SLC24A1: variants seen among roughly 807,000 people sequenced by gnomAD.
SLC24A1 encodes the protein solute carrier family 24 member 1, also known as sodium/potassium/calcium exchanger 1.
A neutral mutation model predicts 88.1 loss-of-function variants in SLC24A1; 52 were observed. The observed-to-expected ratio is 0.59, with a 90% CI of 0.47 to 0.74. SLC24A1 has a LOEUF of 0.74. Among genes scored for constraint, SLC24A1 ranks in the 30% least tolerant of loss-of-function variants. SLC24A1 has a pLI of 0.00. For synonymous variants in SLC24A1, 455 were observed against 498.0 expected (o/e 0.91, Z 1.15); for missense variants, 1,173 against 1,363.3 (o/e 0.86, Z 2.20).
At chr15:65,641,937 TGA>T (rs2075142458) in intron 4 of SLC24A1, among the ~76,000 whole-genome samples, 1 of 152,174 alleles carries the variant, frequency 6.6e-6, no homozygotes, top group African/African-American at 2.4e-5. Flanking sequence ...CCGGCCCTGC[TGA>T]GAGGGGAGAG....
Position 65,643,534 on chromosome 15 carries a change from C to T in SLC24A1, c.2054-893C>T, listed in dbSNP as rs148897378. Among the ~76,000 whole-genome samples the T allele has an allele frequency of 4.8e-3, 736 of 152,334 alleles. 1 individual carries two copies. The highest frequency in any genetic ancestry group is 0.017 in the Middle Eastern group (5 of 294). ...ACCACTTTGTTCTTCACTTGCACCA[C>T]TGCCTTCGCCCTCCCAGGCCACACA... On this transcript the variant is annotated intron_variant, in intron 4 of 9. Transcript: ENST00000261892.
At chr15:65,635,465 AAAAAAG>A (rs2074896656) in intron 2 of SLC24A1, among the ~76,000 whole-genome samples, 1 of 143,718 alleles carries the variant, frequency 7.0e-6, no homozygotes, top group Admixed American at 6.9e-5. Flanking sequence ...AAAAAAAAAA[AAAAAAG>A]AAAAAAAAAG....
chr15:65,614,533 C>T (rs1348951819), intron 2 of SLC24A1, among the ~76,000 whole-genome samples: 2 of 152,046 alleles, frequency 1.3e-5, no homozygotes, highest in Non-Finnish European at 2.9e-5. Flanking sequence ...GTTTCCCCCT[C>T]TTTTCCTTCG....
At chr15:65,620,633 A>G (rs2074289145), upstream of SLC24A1, among the ~76,000 whole-genome samples, 1 of 152,220 alleles carries the variant, frequency 6.6e-6, no homozygotes, top group Admixed American at 6.5e-5. Context: ...CCCAGCGGGT[A>G]GGATTTAGGT....
downstream of SLC24A1, chr15:65,659,154 C>T (rs1038902956): frequency 2.6e-5 from 4 of 151,824 alleles, no homozygotes; most frequent in Admixed American, 2.0e-4. Flanking sequence ...TTATTGTCAA[C>T]CATTTAAACA....
chr15:65,645,097 C>T (rs1209524769), intron 5 of SLC24A1, among the ~76,000 whole-genome samples: 1 of 152,218 alleles, frequency 6.6e-6, no homozygotes, highest in Non-Finnish European at 1.5e-5. Context: ...AGTCATTCTT[C>T]CCATCCTATA....
At chr15:65,648,030 G>A (rs2075365008) in intron 6 of SLC24A1, among the ~76,000 whole-genome samples, 1 of 152,184 alleles carries the variant, frequency 6.6e-6, no homozygotes, top group Non-Finnish European at 1.5e-5. Flanking sequence ...GGAGGCCGAG[G>A]CGGGCGGATC....
chr15:65,613,777 C>T (rs746718683), intron 2 of SLC24A1, among the ~76,000 whole-genome samples: 1 of 152,054 alleles, frequency 6.6e-6, no homozygotes, highest in Non-Finnish European at 1.5e-5. Context: ...TGAGCCACTA[C>T]ATTTGGCCCC....
chr15:65,652,442 G>A (rs1257080819), intron 8 of SLC24A1, 200 bp from the exon 9 acceptor site: 1 of 525,672 alleles, frequency 1.9e-6, no homozygotes, highest in Middle Eastern at 5.0e-4. Flanking sequence ...TGGTCCCTGT[G>A]GCCAGGAGCA....
intron 2 of SLC24A1, 24 bp from the exon 3 acceptor site, chr15:65,638,104 C>A: frequency 6.3e-7 from 1 of 1,585,750 alleles, no homozygotes; most frequent in South Asian, 1.1e-5. Flanking sequence ...CACAACATCT[C>A]GTGACTCCTC....
intron 3 of SLC24A1, among the ~76,000 whole-genome samples, chr15:65,639,359 C>T (rs892457010): frequency 5.3e-5 from 8 of 152,048 alleles, no homozygotes; most frequent in African/African-American, 9.7e-5. Flanking sequence ...CCTGTGGAGA[C>T]GTTGGGAAAT....
In SLC24A1 at chr15:65,624,984, A is replaced by G. The variant is rs1376053465; in HGVS notation, c.904A>G (p.Ser302Gly). Residue 302 changes from serine to glycine, a missense_variant, in exon 2 of 10, where the codon AGC becomes GGC. By Grantham distance (56) the Ser-to-Gly change is moderately conservative. Transcript: ENST00000261892. Reference protein sequence around the residue: ...SAHPWGLVGKSNPKTPQGTVL... With the variant: ...SAHPWGLVGKGNPKTPQGTVL... Reference sequence around the variant, plus strand: ...CCATCCCTGGGGGTTAGTGGGAAAGAGCAACCCGAAGACTCCCCAGGGAAC... The same window carrying G: ...CCATCCCTGGGGGTTAGTGGGAAAGGGCAACCCGAAGACTCCCCAGGGAAC... The G allele has an allele frequency of 1.2e-6, 2 of 1,608,138 alleles. No individual in the cohort carries two copies. The highest frequency in any genetic ancestry group is 1.7e-5 in the Admixed American group (1 of 59,216).
chr15:65,620,375 C>T (rs1017200872), upstream of SLC24A1, among the ~76,000 whole-genome samples: 15 of 152,076 alleles, frequency 9.9e-5, no homozygotes, highest in African/African-American at 3.1e-4. Context: ...CAATAGTACC[C>T]GGCACTATTA....
intron 4 of SLC24A1, chr15:65,642,765 G>C: frequency 3.0e-6 from 1 of 333,256 alleles, no homozygotes; most frequent in South Asian, 2.5e-5. Flanking sequence ...GCCAGCTGCA[G>C]CTGAACTAAC....
At chr15:65,628,343 T>C (rs2074588943) in intron 2 of SLC24A1, among the ~76,000 whole-genome samples, 1 of 152,188 alleles carries the variant, frequency 6.6e-6, no homozygotes, top group South Asian at 2.1e-4. Context: ...ACATCAGGCT[T>C]ATCACTGCCA....
downstream of SLC24A1, chr15:65,660,666 T>C (rs2075822263): frequency 5.7e-6 from 1 of 175,148 alleles, no homozygotes; most frequent in Non-Finnish European, 1.2e-5. Flanking sequence ...ATTTATTGTC[T>C]GATTTCTGGA....
chr15:65,656,981 C>T (rs1271986824), downstream of SLC24A1, among the ~76,000 whole-genome samples: 1 of 152,166 alleles, frequency 6.6e-6, no homozygotes, highest in African/African-American at 2.4e-5. Context: ...GCGATCCTCC[C>T]GCCTCAGCCC....
chr15:65,621,822 T>A (rs556768523), upstream of SLC24A1: 16 of 152,306 alleles, frequency 1.1e-4, no homozygotes, highest in African/African-American at 3.8e-4. Context: ...GAAGGCCCAC[T>A]CTCTCAGGCT....
In SLC24A1 at chr15:65,625,534, C is replaced by T. The variant is rs200772588; in HGVS notation, c.1454C>T (p.Thr485Ile). ...EYFVPALGVITDKLQISEDVA... is the reference protein window; with the variant it reads ...EYFVPALGVIIDKLQISEDVA... ...TTCGTTCCAGCCCTGGGTGTCATCACAGACAAGCTGCAGATCTCCGAGGAT... is the reference window on the plus strand; with the variant it reads ...TTCGTTCCAGCCCTGGGTGTCATCATAGACAAGCTGCAGATCTCCGAGGAT... Residue 485 changes from threonine (T) to isoleucine (I), a missense_variant, in exon 2 of 10, where the codon ACA (threonine) becomes ATA (isoleucine). Transcript: ENST00000261892. 627 of 1,614,046 alleles carry T rather than the reference C, an allele frequency of 3.9e-4. No individual in the cohort carries two copies. The highest frequency in any genetic ancestry group is 4.9e-4 in the Non-Finnish European group (583 of 1,179,894).
Sources: allele counts gnomAD v4.1 joint callset (sites outside exome capture counted in the v4.1 genomes callset), GRCh38; gene constraint gnomAD v4.1.1; transcripts MANE v1.5; gene names NCBI Gene and HGNC (gene_info 2026-07-23, HGNC 2026-07-21).